DLGAP1: variants seen among roughly 807,000 people sequenced by gnomAD.
DLGAP1 encodes DLG associated protein 1.
A neutral mutation model predicts 90.8 loss-of-function variants in DLGAP1; 11 were observed. That is an observed-to-expected ratio of 0.12 (90% confidence interval 0.08 to 0.20). The LOEUF (loss-of-function observed/expected upper bound fraction) is 0.20. DLGAP1 is among the 10% of genes least tolerant of loss of function. The probability of loss-of-function intolerance (pLI) is 1.00; values close to 1 mark genes in which losing one functional copy is unlikely to be tolerated. For synonymous variants in DLGAP1, 558 were observed against 540.7 expected (o/e 1.03, Z -0.44); for missense variants, 1,050 against 1,333.8 (o/e 0.79, Z 3.31).
At chr18:4,133,243 C>T (rs1156771846) in intron 2 of DLGAP1, among the ~76,000 whole-genome samples, 1 of 152,144 alleles carries the variant, frequency 6.6e-6, no homozygotes, top group Non-Finnish European at 1.5e-5. Flanking sequence ...GAGAGCACAG[C>T]ACATGCTAAG....
At chr18:4,333,917 C>G (rs933216034) in intron 1 of DLGAP1, among the ~76,000 whole-genome samples, 3 of 148,720 alleles carry the variant, frequency 2.0e-5, no homozygotes, top group Non-Finnish European at 4.5e-5. Context: ...TAACTGAATG[C>G]TTAACTAAAT....
Position 3,634,047 on chromosome 18 carries a change from T to C in DLGAP1, c.1592-51799A>G, listed in dbSNP as rs138869260. ...TTTGGTTGTGTATATATATTATGTA[T>C]GTTATGATTCCATTTGTGTATGTGT... On this transcript the variant is annotated intron_variant, in intron 7 of 12. Coordinates refer to ENST00000315677, the MANE Select transcript of DLGAP1 (RefSeq NM_004746.4). Among the ~76,000 whole-genome samples, 895 of 152,334 alleles carry C rather than the reference T, an allele frequency of 5.9e-3. 8 individuals carry two copies. Among genetic ancestry groups the C allele is most frequent in the African/African-American group, 0.021 (853 of 41,586 alleles).
intron 8 of DLGAP1, among the ~76,000 whole-genome samples, chr18:3,568,384 G>A (rs2054556069): frequency 6.6e-6 from 1 of 152,016 alleles, no homozygotes. Flanking sequence ...TTTCTAAATA[G>A]CTATGTGTAT....
intron 2 of DLGAP1, among the ~76,000 whole-genome samples, chr18:4,018,269 G>A (rs183629056): frequency 1.1e-4 from 17 of 152,316 alleles, no homozygotes; most frequent in Admixed American, 3.3e-4. Context: ...GGAGGGGCAC[G>A]CTGGAGTCCC....
chr18:4,416,704 A>C (rs2082907615), intron 1 of DLGAP1, among the ~76,000 whole-genome samples: 1 of 82,128 alleles, frequency 1.2e-5, no homozygotes, highest in South Asian at 4.2e-4. Flanking sequence ...TTGGAAGACC[A>C]ATATGAGATG....
intron 2 of DLGAP1, among the ~76,000 whole-genome samples, chr18:4,053,474 C>G (rs546358289): frequency 1.3e-4 from 20 of 152,310 alleles, no homozygotes; most frequent in African/African-American, 4.8e-4. Context: ...ATTATGGGAA[C>G]TGCAATTCAA....
chr18:4,024,138 C>A (rs1391977414), intron 2 of DLGAP1, among the ~76,000 whole-genome samples: 1 of 152,126 alleles, frequency 6.6e-6, no homozygotes, highest in Non-Finnish European at 1.5e-5. Flanking sequence ...ATTAAAACTC[C>A]TCTCTTTGGT....
At chr18:4,075,680 A>C (rs1383516911) in intron 2 of DLGAP1, among the ~76,000 whole-genome samples, 1 of 152,228 alleles carries the variant, frequency 6.6e-6, no homozygotes, top group Non-Finnish European at 1.5e-5. Flanking sequence ...AACAACAGGC[A>C]GAGAATGCTA....
At chr18:3,650,047 T>G (rs2059241869) in intron 7 of DLGAP1, among the ~76,000 whole-genome samples, 1 of 152,124 alleles carries the variant, frequency 6.6e-6, no homozygotes, top group Admixed American at 6.5e-5. Context: ...GTTTTTTGTT[T>G]TTTTATTTTT....
intron 1 of DLGAP1, among the ~76,000 whole-genome samples, chr18:4,390,826 C>A (rs2082326059): frequency 6.6e-6 from 1 of 152,100 alleles, no homozygotes; most frequent in Admixed American, 6.5e-5. Context: ...GTTCTAGAGG[C>A]CCCTGGGCAA....
At chr18:4,348,803 GA>G (rs2081352484) in intron 1 of DLGAP1, among the ~76,000 whole-genome samples, 4 of 152,022 alleles carry the variant, frequency 2.6e-5, no homozygotes, top group African/African-American at 7.2e-5. Flanking sequence ...TGATAATAAT[GA>G]AGTTTATCTC....
At chr18:4,416,677 G>C (rs2144650589) in intron 1 of DLGAP1, among the ~76,000 whole-genome samples, 1 of 150,914 alleles carries the variant, frequency 6.6e-6, no homozygotes, top group South Asian at 2.1e-4. Flanking sequence ...GAGGCTAAGA[G>C]ATGTTGTTAT....
At chr18:4,017,650 T>A (rs560076413) in intron 2 of DLGAP1, among the ~76,000 whole-genome samples, 1 of 152,322 alleles carries the variant, frequency 6.6e-6, no homozygotes, top group East Asian at 1.9e-4. Flanking sequence ...GCAAGGGCCC[T>A]CCAGGGTGGA....
rs530135770 is a variant in DLGAP1 at position 3,567,365 on chromosome 18, C to T, written c.2057+125G>A. On this transcript the variant is annotated intron_variant, in intron 9 of 12. Coordinates refer to ENST00000315677, the MANE Select transcript of DLGAP1 (RefSeq NM_004746.4). ...TCAACTAATATTGATTCAACTTCAC[C>T]CTTTAAATACTCCCAAAACTTAGAG... 3.3e-4 allele frequency: 252 copies of T among 754,246 alleles called. 4 individuals are homozygous for T. The Admixed American group carries it at 6.3e-3, about 19-fold the overall frequency. The allele number at this position is 754,246 out of a possible 1,614,324, so 46.7% of individuals were successfully genotyped here. A position where few individuals can be genotyped will look rare whatever the true frequency, so the allele number is the denominator to read the frequency against.
intron 1 of DLGAP1, among the ~76,000 whole-genome samples, chr18:4,168,555 C>G (rs1283962852): frequency 3.9e-5 from 6 of 152,062 alleles, no homozygotes; most frequent in African/African-American, 1.4e-4. Flanking sequence ...ACTCCACATT[C>G]CCCCCTTCTC....
Position 3,663,026 on chromosome 18 carries a change from C to T in DLGAP1, c.1591+66109G>A, listed in dbSNP as rs562284624. On this transcript the variant is annotated intron_variant, in intron 7 of 12. Transcript: ENST00000315677. ...GTGGCTCACGCCTGTAATCCCAGCACTTTGGGAGGCCAAGATGGGTGGATA... is the reference window on the plus strand; with the variant it reads ...GTGGCTCACGCCTGTAATCCCAGCATTTTGGGAGGCCAAGATGGGTGGATA... Among the ~76,000 whole-genome samples, 412 of 152,220 alleles carry T rather than the reference C, an allele frequency of 2.7e-3. 4 individuals carry two copies. The highest frequency in any genetic ancestry group is 4.5e-3 in the Non-Finnish European group (303 of 68,014).
At chr18:3,578,447 C>A (rs1261678537) in intron 8 of DLGAP1, among the ~76,000 whole-genome samples, 2 of 151,522 alleles carry the variant, frequency 1.3e-5, no homozygotes, top group African/African-American at 4.9e-5. Flanking sequence ...ACCTCTGCCT[C>A]CTGGGTTCAA....
intron 3 of DLGAP1, among the ~76,000 whole-genome samples, chr18:3,952,255 C>A (rs1269939557): frequency 6.6e-6 from 1 of 152,178 alleles, no homozygotes; most frequent in South Asian, 2.1e-4. Flanking sequence ...CTGCTTTTAT[C>A]TTTTAATGCC....
chr18:4,058,641 G>A (rs938377378), intron 2 of DLGAP1, among the ~76,000 whole-genome samples: 11 of 152,120 alleles, frequency 7.2e-5, no homozygotes, highest in African/African-American at 2.7e-4. Flanking sequence ...ATGTCAAGAG[G>A]GCAAATGAAC....
Sources: gnomAD v4.1 joint callset for allele counts (sites outside exome capture counted in the v4.1 genomes callset) on GRCh38, gnomAD v4.1.1 for gene constraint, MANE v1.5 for transcripts, NCBI Gene and HGNC (gene_info 2026-07-23, HGNC 2026-07-21) for gene names.